Variants in KALRN observed in about 807,000 individuals in gnomAD.
KALRN encodes the protein kalirin.
Under a neutral mutation model 353.7 loss-of-function variants are expected in KALRN, and 70 were observed. The observed-to-expected ratio is 0.20, with a 90% CI of 0.16 to 0.24. The LOEUF (loss-of-function observed/expected upper bound fraction) is 0.24, where lower values mean the gene tolerates loss of function less well. Ranked by LOEUF, KALRN falls within the 10% of genes least tolerant of loss-of-function variation. The pLI, the probability that KALRN is intolerant of heterozygous loss-of-function variation, is 1.00. For missense variants in KALRN, 2,791 were observed against 3,756.7 expected, an observed-to-expected ratio of 0.74 and a Z score of 6.72; for synonymous variants, 1,391 against 1,434.8, an observed-to-expected ratio of 0.97 and a Z score of 0.69.
At chr3:124,379,436 TTTACC>T (rs2087021349) in intron 10 of KALRN, among the ~76,000 whole-genome samples, 1 of 152,162 alleles carries the variant, frequency 6.6e-6, no homozygotes, top group Non-Finnish European at 1.5e-5. Context: ...CATCGTGAGT[TTTACC>T]TTGTCAGTTG....
chr3:124,641,371 T>TA (rs1436635480), intron 37 of KALRN, among the ~76,000 whole-genome samples: 1 of 152,192 alleles, frequency 6.6e-6, no homozygotes, highest in African/African-American at 2.4e-5. Context: ...GGTTTTGCAT[T>TA]AAGGGATTAT....
chr3:124,423,064 T>A, intron 15 of KALRN, 86 bp downstream of exon 15: 2 of 1,344,290 alleles, frequency 1.5e-6, no homozygotes, highest in Non-Finnish European at 2.1e-6. Flanking sequence ...AGGTAAGGCA[T>A]ACAGAGCCAC....
intron 1 of KALRN, among the ~76,000 whole-genome samples, chr3:124,143,057 G>C (rs886230045): frequency 1.3e-5 from 2 of 151,900 alleles, no homozygotes; most frequent in African/African-American, 4.8e-5. Context: ...GCACATAGTA[G>C]GTGTTCAGTG....
rs555577757 is a variant in KALRN, at chr3:124,357,393, G to A, written c.1770+10128G>A. 2.0e-5 allele frequency among the ~76,000 whole-genome samples: 3 copies of A among 152,278 alleles called. No homozygotes were observed. In the South Asian group the frequency reaches 6.2e-4, roughly 32 times the overall value. On this transcript the variant is annotated intron_variant, in intron 10 of 59. Coordinates refer to ENST00000682506, the MANE Select transcript of KALRN (RefSeq NM_001388419.1). ...ATCTCCAATGGTTATGGAACCTATA[G>A]ATGGCTCCCCATCAGGATAAAGTTC...
chr3:124,238,007 A>G (rs1156522397), intron 3 of KALRN, among the ~76,000 whole-genome samples: 1 of 152,228 alleles, frequency 6.6e-6, no homozygotes, highest in East Asian at 1.9e-4. Flanking sequence ...GATAGTGTTG[A>G]TAATTTAGAA....
intron 1 of KALRN, chr3:124,082,181 C>T: frequency 4.4e-6 from 2 of 453,430 alleles, no homozygotes; most frequent in South Asian, 3.2e-5. Flanking sequence ...TTGGCAGCAC[C>T]ATTGCCCTTC....
intron 34 of KALRN, among the ~76,000 whole-genome samples, chr3:124,567,912 C>G (rs973080534): frequency 6.6e-6 from 1 of 151,954 alleles, no homozygotes; most frequent in African/African-American, 2.4e-5. Context: ...GGGTTCAGGG[C>G]TATAGTGAGC....
intron 4 of KALRN, among the ~76,000 whole-genome samples, chr3:124,266,148 C>A (rs530075674): frequency 6.6e-6 from 1 of 151,916 alleles, no homozygotes; most frequent in African/African-American, 2.4e-5. Flanking sequence ...AACAAAAAAA[C>A]AAAACAAGCA....
chr3:124,047,549 G>A (rs1040687996), intron 1 of KALRN, among the ~76,000 whole-genome samples: 3 of 145,008 alleles, frequency 2.1e-5, no homozygotes, highest in African/African-American at 7.7e-5. Flanking sequence ...CTGGAGTGCA[G>A]TGGCGCGATC....
intron 56 of KALRN, 122 bp from the exon 57 acceptor site, chr3:124,701,916 G>C (rs2062360565): frequency 1.5e-6 from 1 of 685,606 alleles, no homozygotes; most frequent in Admixed American, 2.2e-5. Flanking sequence ...TTCCCACTGA[G>C]TCAGACTCCA....
At chr3:124,438,802 TG>T in intron 17 of KALRN, 85 bp from the exon 18 acceptor site, 2 of 1,158,274 alleles carry the variant, frequency 1.7e-6, no homozygotes, top group Admixed American at 5.2e-5. Flanking sequence ...AAATGTCATA[TG>T]TGTAGGCTTC....
At chr3:124,198,724 T>C (rs2075680073) in intron 1 of KALRN, among the ~76,000 whole-genome samples, 1 of 152,206 alleles carries the variant, frequency 6.6e-6, no homozygotes, top group Non-Finnish European at 1.5e-5. Flanking sequence ...TACATGCAAT[T>C]TACGAAGACA....
At chr3:124,122,773 G>A (rs1006740968) in intron 1 of KALRN, among the ~76,000 whole-genome samples, 7 of 152,128 alleles carry the variant, frequency 4.6e-5, no homozygotes, top group African/African-American at 7.2e-5. Context: ...TCCCTGAGAC[G>A]CAATAATATT....
intron 26 of KALRN, among the ~76,000 whole-genome samples, chr3:124,475,520 G>C (rs1028637648): frequency 2.6e-5 from 4 of 152,100 alleles, no homozygotes. Context: ...CCTCCCCCAG[G>C]GTCAAGCGTT....
intron 1 of KALRN, among the ~76,000 whole-genome samples, chr3:124,150,010 GCTGTTAGAC>G (rs1227385293): frequency 6.6e-5 from 10 of 152,220 alleles, no homozygotes; most frequent in Non-Finnish European, 1.0e-4. Flanking sequence ...TGAATGCCAA[GCTGTTAGAC>G]CTGAACTACA....
intron 35 of KALRN, among the ~76,000 whole-genome samples, chr3:124,633,638 T>G (rs62265579): frequency 4.3e-3 from 90 of 20,922 alleles, no homozygotes; most frequent in Admixed American, 0.023. Context: ...TTTTTGGGGG[T>G]GTGTGTGTGT....
chr3:124,512,006 C>A (rs754306763), intron 33 of KALRN, among the ~76,000 whole-genome samples: 3 of 152,202 alleles, frequency 2.0e-5, no homozygotes, highest in Non-Finnish European at 4.4e-5. Context: ...GTGTTACCTG[C>A]AGCACACTGA....
intron 3 of KALRN, among the ~76,000 whole-genome samples, chr3:124,255,226 G>C (rs1183988213): frequency 6.6e-6 from 1 of 152,152 alleles, no homozygotes; most frequent in Non-Finnish European, 1.5e-5. Flanking sequence ...TTACAGGCAT[G>C]AGCCACCGTG....
intron 1 of KALRN, among the ~76,000 whole-genome samples, chr3:124,070,739 C>A (rs1244511316): frequency 1.3e-5 from 2 of 152,232 alleles, no homozygotes. Context: ...TTGGCCTTCC[C>A]TTCCTCTGGC....
Sources: allele counts gnomAD v4.1 joint callset (sites outside exome capture counted in the v4.1 genomes callset), GRCh38; gene constraint gnomAD v4.1.1; transcripts MANE v1.5; gene names NCBI Gene and HGNC (gene_info 2026-07-23, HGNC 2026-07-21).